ABCC10: variants seen among roughly 807,000 people sequenced by gnomAD.
ABCC10 encodes the protein ATP-binding cassette sub-family C member 10.
A neutral mutation model predicts 143.2 loss-of-function variants in ABCC10; 110 were observed. That is an observed-to-expected ratio of 0.77 (90% CI 0.66 to 0.90). The LOEUF is 0.90. ABCC10 is among the 40% of genes least tolerant of loss of function. ABCC10 has a pLI of 0.00. For missense variants in ABCC10, 1,700 were observed against 1,900.5 expected, an observed-to-expected ratio of 0.89 and a Z score of 1.96; for synonymous variants, 805 against 846.7, an observed-to-expected ratio of 0.95 and a Z score of 0.85.
Position 43,435,833 on chromosome 6 carries a change from C to A in ABCC10, c.1691C>A (p.Ala564Asp). The A allele has an allele frequency of 6.2e-7, 1 of 1,614,194 alleles. No individual in the cohort carries two copies. The highest frequency in any genetic ancestry group is 8.5e-7 in the Non-Finnish European group (1 of 1,180,040). The part of the protein sequence containing the change: ...FPWVINGLLE[A>D]KVSLDRIQLF... The stretch of plus-strand genomic sequence containing the variant: ...TGGGTGATCAATGGTCTCCTGGAGG[C>A]CAAAGTGTCCTTGGACCGGATCCAG... Residue 564 changes from alanine to aspartate, a missense_variant, in exon 5 of 22, where the codon GCC becomes GAC. Transcript: ENST00000372530.
chr6:43,432,756 T>C lies in ABCC10; in HGVS notation c.776T>C (p.Leu259Pro), dbSNP rs1443097190. 2 of 1,614,092 alleles carry C rather than the reference T, an allele frequency of 1.2e-6. No homozygotes were observed. The highest frequency in any genetic ancestry group is 1.7e-5 in the Admixed American group (1 of 60,016). ...CCCCACAGACTGCAGCCAACCTACCTGGCTCGTGTCTTCCAGGCACACTGG... is the reference window on the plus strand; with the variant it reads ...CCCCACAGACTGCAGCCAACCTACCCGGCTCGTGTCTTCCAGGCACACTGG... ...RLPHRLQPTYLARVFQAHWQE... is the reference protein window; with the variant it reads ...RLPHRLQPTYPARVFQAHWQE... Residue 259 changes from leucine to proline, a missense_variant, in exon 3 of 22, where the codon CTG becomes CCG. Coordinates refer to ENST00000372530, the MANE Select transcript of ABCC10 (RefSeq NM_001198934.2).
intron 7 of ABCC10, 55 bp downstream of exon 7, chr6:43,438,068 G>A: frequency 6.4e-7 from 1 of 1,556,388 alleles, no homozygotes; most frequent in Non-Finnish European, 8.8e-7. Flanking sequence ...CAAACACTGA[G>A]CCCCTCTTAT....
chr6:43,445,523 C>T (rs1254477037), intron 14 of ABCC10, 76 bp from the exon 15 acceptor site: 35 of 1,482,066 alleles, frequency 2.4e-5, no homozygotes, highest in Non-Finnish European at 3.1e-5. Context: ...CCCCTCCACC[C>T]CACCTCCCCC....
At chr6:43,429,319 A>C (rs1780840887) in intron 2 of ABCC10, among the ~76,000 whole-genome samples, 1 of 144,966 alleles carries the variant, frequency 6.9e-6, no homozygotes, top group Non-Finnish European at 1.5e-5. Context: ...CATCTTAGGA[A>C]ATATATATAT....
chr6:43,438,435 C>G (rs1781982136), intron 7 of ABCC10, 189 bp from the exon 8 acceptor site: 1 of 1,430,034 alleles, frequency 7.0e-7, no homozygotes, highest in East Asian at 2.5e-5. Context: ...GCTATTTCTT[C>G]CCTTCTTCGC....
chr6:43,441,443 T>G (rs1338978721), intron 8 of ABCC10, among the ~76,000 whole-genome samples: 5 of 151,718 alleles, frequency 3.3e-5, no homozygotes, highest in Non-Finnish European at 7.4e-5. Flanking sequence ...GCCACTGCAC[T>G]CCAGCCTGGC....
intron 21 of ABCC10, among the ~76,000 whole-genome samples, 166 bp from the exon 22 acceptor site, chr6:43,449,763 C>T (rs1424216451): frequency 6.6e-6 from 1 of 151,856 alleles, no homozygotes; most frequent in Non-Finnish European, 1.5e-5. Context: ...CTTTATAGCA[C>T]ATTATCTGAG....
rs1413286363 is a variant in ABCC10 at position 43,442,979 on chromosome 6, C to A, written c.2236C>A (p.Leu746Ile). 2.5e-6 allele frequency: 4 copies of A among 1,590,422 alleles called. No individual in the cohort carries two copies. In the African/African-American group the frequency reaches 5.4e-5, roughly 21 times the overall value. ...LARAVYQEKE[L>I]YLLDDPLAAV... Reference sequence around the variant, plus strand: ...CCTCACGTCTCCATAGGAAAAGGAGCTCTATCTCCTCGATGACCCTCTGGC... The same window carrying A: ...CCTCACGTCTCCATAGGAAAAGGAGATCTATCTCCTCGATGACCCTCTGGC... Residue 746 changes from leucine (L) to isoleucine (I), a missense_variant, in exon 10 of 22, where the codon CTC (leucine) becomes ATC (isoleucine). Transcript: ENST00000372530.
Position 43,436,262 on chromosome 6 carries a change from C to T in ABCC10, c.1875+15C>T, listed in dbSNP as rs201471026. 2 of 1,612,728 alleles carry T rather than the reference C, an allele frequency of 1.2e-6. No individual in the cohort carries two copies. Among genetic ancestry groups the T allele is most frequent in the African/African-American group, 2.7e-5 (2 of 75,010 alleles). ...AAGTGAAAAAGGTTTGTTGGACAGACACCCTGGGAGAGTCCTCAGACTAAC... is the reference window on the plus strand; with the variant it reads ...AAGTGAAAAAGGTTTGTTGGACAGATACCCTGGGAGAGTCCTCAGACTAAC... On this transcript the variant is annotated intron_variant, in intron 6 of 21. Coordinates refer to ENST00000372530, the MANE Select transcript of ABCC10 (RefSeq NM_001198934.2).
At chr6:43,439,406 A>T (rs1447300820) in intron 8 of ABCC10, among the ~76,000 whole-genome samples, 2 of 148,244 alleles carry the variant, frequency 1.3e-5, no homozygotes, top group African/African-American at 5.0e-5. Context: ...AAATTGATTA[A>T]TTTTTTTTTT....
intron 5 of ABCC10, 34 bp from the exon 6 acceptor site, chr6:43,436,104 T>G (rs1781676278): frequency 6.2e-7 from 1 of 1,613,834 alleles, no homozygotes; most frequent in South Asian, 1.1e-5. Flanking sequence ...TTGTGGTAGA[T>G]TAGGAGCCCA....
At chr6:43,437,832 C>A in intron 6 of ABCC10, 102 bp from the exon 7 acceptor site, 1 of 1,089,576 alleles carries the variant, frequency 9.2e-7, no homozygotes, top group Non-Finnish European at 1.4e-6. Flanking sequence ...AAAAGAGAAG[C>A]CTCAGTGGGA....
rs765281360 is a variant in ABCC10 at position 43,433,293 on chromosome 6, A to C, written c.1313A>C (p.Lys438Thr). Residue 438 changes from lysine (K) to threonine (T), a missense_variant, in exon 3 of 22, where the codon AAA becomes ACA. Lys to Thr is a moderately conservative substitution (Grantham distance 78). Coordinates refer to ENST00000372530, the MANE Select transcript of ABCC10 (RefSeq NM_001198934.2). ...GCACTGCTGCTGGTACCCGTCAACA[A>C]AGTGATTGCCACCCGCATCATGGCC... ...ILALLLVPVN[K>T]VIATRIMASN... 6.2e-7 allele frequency: 1 copy of C among 1,614,154 alleles called. No homozygotes were observed. The highest frequency in any genetic ancestry group is 8.5e-7 in the Non-Finnish European group (1 of 1,180,000).
In ABCC10 at chr6:43,445,333, G is replaced by C. The variant is rs765159625; in HGVS notation, c.3030+19G>C. On this transcript the variant is annotated intron_variant, in intron 14 of 21. Coordinates refer to ENST00000372530, the MANE Select transcript of ABCC10 (RefSeq NM_001198934.2). ...CCTTATGGTGAGGGGCTGGGACCTC[G>C]GGGGTAGGGGAGTGCAGTCCTAGCC... The C allele has an allele frequency of 5.6e-6, 9 of 1,604,752 alleles. No homozygotes were observed. The highest frequency in any genetic ancestry group is 7.7e-6 in the Non-Finnish European group (9 of 1,175,984).
chr6:43,437,628 T>A (rs1015253346), intron 6 of ABCC10, among the ~76,000 whole-genome samples: 1 of 151,968 alleles, frequency 6.6e-6, no homozygotes, highest in African/African-American at 2.4e-5. Flanking sequence ...TGTCTCAGAG[T>A]TTACCTTGGA....
intron 8 of ABCC10, among the ~76,000 whole-genome samples, chr6:43,441,505 A>G (rs1391538722): frequency 6.6e-6 from 1 of 152,228 alleles, no homozygotes; most frequent in African/African-American, 2.4e-5. Context: ...AATGTAACAA[A>G]GTAGTTAAGA....
downstream of ABCC10, chr6:43,450,761 C>A: frequency 6.2e-7 from 1 of 1,614,224 alleles, no homozygotes; most frequent in Non-Finnish European, 8.5e-7. This position sits in a 1 kb window ranked among gnomAD's most constrained non-coding sequence, Gnocchi z 4.5. Context: ...CAAACACCAC[C>A]AGGGCCACCA....
At position 43,427,762 on chromosome 6, in the gene ABCC10, G is replaced by A. The variant is rs556076955; in HGVS notation, c.-12+5G>A. ...AGGGGAAAAACAGATGGCAAGGTGGGTGACCAGCGTCCAGAAATCCACTGG... is the reference window on the plus strand; with the variant it reads ...AGGGGAAAAACAGATGGCAAGGTGGATGACCAGCGTCCAGAAATCCACTGG... On this transcript the variant is annotated splice_donor_5th_base_variant and intron_variant, in intron 1 of 21. Coordinates refer to ENST00000372530, the MANE Select transcript of ABCC10 (RefSeq NM_001198934.2). 9.5e-4 allele frequency: 583 copies of A among 613,018 alleles called. 2 individuals carry two copies. The highest frequency in any genetic ancestry group is 1.4e-3 in the Non-Finnish European group (488 of 343,140). The allele number at this position is 613,018 out of a possible 1,614,324, so 38.0% of individuals were successfully genotyped here. A position where few individuals can be genotyped will look rare whatever the true frequency, so the allele number is the denominator to read the frequency against.
chr6:43,444,137 C>T (rs770031081), intron 11 of ABCC10, 22 bp from the exon 12 acceptor site: 2 of 1,611,222 alleles, frequency 1.2e-6, no homozygotes, highest in Non-Finnish European at 1.7e-6. Flanking sequence ...CTTAATTCTT[C>T]CATGACCCCT....
Sources: gnomAD v4.1 joint callset for allele counts (sites outside exome capture counted in the v4.1 genomes callset) on GRCh38, gnomAD v4.1.1 for gene constraint, Gnocchi (gnomAD v3.1) non-coding constraint, MANE v1.5 for transcripts, NCBI Gene and HGNC (gene_info 2026-07-23, HGNC 2026-07-21) for gene names.